Variants in RFX3 observed in about 807,000 individuals in gnomAD.
RFX3 encodes transcription factor RFX3.
RFX3 carries 14 observed loss-of-function variants against 98.6 expected under a neutral mutation model. The ratio of observed to expected loss-of-function variants is 0.14; its 90% CI spans 0.09 to 0.22. The LOEUF (loss-of-function observed/expected upper bound fraction) is 0.22. Among genes scored for constraint, RFX3 ranks in the 10% least tolerant of loss-of-function variants. The probability of loss-of-function intolerance (pLI) is 1.00; values close to 1 mark genes in which losing one functional copy is unlikely to be tolerated. For missense variants in RFX3, 639 were observed against 926.9 expected, an observed-to-expected ratio of 0.69 and a Z score of 4.03; for synonymous variants, 383 against 328.4, an observed-to-expected ratio of 1.17 and a Z score of -1.80.
Position 3,251,728 on chromosome 9 carries a change from AAAAC to A in RFX3, c.1815-3547_1815-3544del, listed in dbSNP as rs1406015029. 2.0e-5 allele frequency among the ~76,000 whole-genome samples: 3 copies of A among 152,318 alleles called. No homozygotes were observed. In the East Asian group the frequency reaches 5.8e-4, roughly 29 times the overall value. On this transcript the variant is annotated intron_variant, in intron 14 of 16. Transcript: ENST00000617270. The stretch of plus-strand genomic sequence containing the variant: ...GTCATTCATTATATAATAATACAGA[AAAAC>A]AATACTGAGTCAGGTGAATGTTAAT...
At chr9:3,468,677 C>T (rs1417889139) in intron 1 of RFX3, among the ~76,000 whole-genome samples, 1 of 151,894 alleles carries the variant, frequency 6.6e-6, no homozygotes, top group African/African-American at 2.4e-5. Flanking sequence ...CTTGCAGCTC[C>T]ATTTGCTTTC....
intron 1 of RFX3, among the ~76,000 whole-genome samples, chr9:3,494,632 ACATTCATTAATTTAAAAT>A: frequency 6.6e-6 from 1 of 152,152 alleles, no homozygotes; most frequent in Admixed American, 6.5e-5. Context: ...AATATAATAA[ACATTCATTAATTTAAAAT>A]AATAGTAATC....
chr9:3,253,584 G>C (rs965582461), intron 14 of RFX3, among the ~76,000 whole-genome samples: 1 of 151,912 alleles, frequency 6.6e-6, no homozygotes, highest in African/African-American at 2.4e-5. Flanking sequence ...ACCACAATTA[G>C]TCACTGACAG....
chr9:3,325,884 G>C (rs1831854262), intron 4 of RFX3, among the ~76,000 whole-genome samples: 1 of 152,040 alleles, frequency 6.6e-6, no homozygotes, highest in Non-Finnish European at 1.5e-5. Context: ...AATAAAAGCA[G>C]AGGGAAATAT....
chr9:3,242,534 T>A (rs754473839), intron 15 of RFX3, among the ~76,000 whole-genome samples: 2 of 152,182 alleles, frequency 1.3e-5, no homozygotes, highest in East Asian at 3.8e-4. Context: ...GCACAATGCT[T>A]GCTAAAATTT....
At position 3,349,590 on chromosome 9, in the gene RFX3, C is replaced by T. The variant is rs1162657808; in HGVS notation, c.118-2826G>A. On this transcript the variant is annotated intron_variant, in intron 2 of 16. Coordinates refer to ENST00000617270, the MANE Select transcript of RFX3 (RefSeq NM_001282116.2). Reference sequence around the variant, plus strand: ...CTATCTTACTTACTGCCCCCACACCCCCAACAGGTAACCATTTTCACTATG... The same window carrying T: ...CTATCTTACTTACTGCCCCCACACCTCCAACAGGTAACCATTTTCACTATG... Among the ~76,000 whole-genome samples, 13 of 152,092 alleles carry T rather than the reference C, an allele frequency of 8.5e-5. No homozygotes were observed. The South Asian group carries it at 1.2e-3, about 15-fold the overall frequency.
intron 1 of RFX3, among the ~76,000 whole-genome samples, chr9:3,502,795 C>G (rs1441021534): frequency 1.3e-5 from 2 of 152,050 alleles, no homozygotes; most frequent in Non-Finnish European, 2.9e-5. Flanking sequence ...CCTGAGTCAT[C>G]TATGTCGGTT....
intron 2 of RFX3, among the ~76,000 whole-genome samples, chr9:3,374,502 T>C (rs1217023962): frequency 2.0e-5 from 3 of 152,304 alleles, no homozygotes; most frequent in African/African-American, 7.2e-5. Context: ...CAAAATGTGG[T>C]ATATATCCAT....
intron 4 of RFX3, among the ~76,000 whole-genome samples, chr9:3,328,468 T>C (rs948811055): frequency 6.6e-6 from 1 of 152,180 alleles, no homozygotes; most frequent in Non-Finnish European, 1.5e-5. Flanking sequence ...AGCAATCCCC[T>C]TGTAATCTAC....
intron 2 of RFX3, among the ~76,000 whole-genome samples, chr9:3,357,847 G>A (rs955169305): frequency 1.3e-5 from 2 of 152,008 alleles, no homozygotes; most frequent in African/African-American, 2.4e-5. Flanking sequence ...AATAACACAT[G>A]TATCCCCGAA....
At chr9:3,348,727 G>A (rs777854665) in intron 2 of RFX3, among the ~76,000 whole-genome samples, 2 of 151,884 alleles carry the variant, frequency 1.3e-5, no homozygotes, top group Non-Finnish European at 2.9e-5. Flanking sequence ...GTATCCTTAC[G>A]ATTCTCAGCT....
intron 1 of RFX3, among the ~76,000 whole-genome samples, chr9:3,503,133 A>G (rs1194477096): frequency 6.6e-6 from 1 of 152,176 alleles, no homozygotes; most frequent in Admixed American, 6.5e-5. Flanking sequence ...AATGTCAGAA[A>G]TAACCAGGTA....
intron 1 of RFX3, among the ~76,000 whole-genome samples, chr9:3,396,102 A>T (rs904803017): frequency 6.6e-6 from 1 of 151,470 alleles, no homozygotes; most frequent in Non-Finnish European, 1.5e-5. Context: ...GGTTAGTTAC[A>T]TATGTATACG....
At chr9:3,443,874 G>T (rs935329214) in intron 1 of RFX3, among the ~76,000 whole-genome samples, 1 of 152,008 alleles carries the variant, frequency 6.6e-6, no homozygotes, top group Non-Finnish European at 1.5e-5. Context: ...GCTGTTTTTT[G>T]ACTTTTTAAT....
At chr9:3,448,367 C>T (rs1587707211) in intron 1 of RFX3, among the ~76,000 whole-genome samples, 2 of 152,084 alleles carry the variant, frequency 1.3e-5, no homozygotes, top group Admixed American at 1.3e-4. Context: ...AAGTGTTAAG[C>T]GGTAATTAAA....
intron 5 of RFX3, among the ~76,000 whole-genome samples, chr9:3,299,423 T>C (rs2129977468): frequency 6.6e-6 from 1 of 151,866 alleles, no homozygotes; most frequent in African/African-American, 2.4e-5. Context: ...CTTTCTCCAC[T>C]GTTTATAAAC....
intron 2 of RFX3, among the ~76,000 whole-genome samples, chr9:3,370,364 C>T (rs10117357): frequency 0.2 from 29,629 of 151,538 alleles, 5,136 homozygotes; most frequent in African/African-American, 0.46. Flanking sequence ...CTTTTTCCAA[C>T]CATAGTATCA....
chr9:3,503,250 G>T (rs1353855693), intron 1 of RFX3, among the ~76,000 whole-genome samples: 1 of 152,050 alleles, frequency 6.6e-6, no homozygotes, highest in Non-Finnish European at 1.5e-5. Flanking sequence ...CATTGAACCG[G>T]CCTTTCAGGA....
chr9:3,494,299 C>A (rs926775523), intron 1 of RFX3, among the ~76,000 whole-genome samples: 1 of 152,116 alleles, frequency 6.6e-6, no homozygotes, highest in Non-Finnish European at 1.5e-5. Context: ...AGTTGTTGAC[C>A]TGGAACCCCT....
Sources: gnomAD v4.1 joint callset for allele counts (sites outside exome capture counted in the v4.1 genomes callset) on GRCh38, gnomAD v4.1.1 for gene constraint, MANE v1.5 for transcripts, NCBI Gene and HGNC (gene_info 2026-07-23, HGNC 2026-07-21) for gene names.